CDH13: variants seen among roughly 807,000 people sequenced by gnomAD.
CDH13 encodes the protein cadherin 13.
In CDH13, 24 loss-of-function variants were observed where a neutral mutation model predicts 63.8. The ratio of observed to expected loss-of-function variants is 0.38; its 90% CI spans 0.27 to 0.53. The LOEUF is 0.53. Ranked by LOEUF, CDH13 falls within the 20% of genes least tolerant of loss-of-function variation. The pLI, the probability that CDH13 is intolerant of heterozygous loss-of-function variation, is 0.85. For synonymous variants in CDH13, 503 were observed against 355.3 expected (o/e 1.42, Z -4.67); for missense variants, 1,049 against 903.1 (o/e 1.16, Z -2.07).
intron 6 of CDH13, among the ~76,000 whole-genome samples, chr16:83,460,914 G>A (rs2073160109): frequency 6.6e-6 from 1 of 151,166 alleles, no homozygotes; most frequent in Non-Finnish European, 1.5e-5. Flanking sequence ...TTAAGCCTGG[G>A]CAGTCGAGGT....
intron 3 of CDH13, among the ~76,000 whole-genome samples, chr16:83,086,502 C>G (rs2033604060): frequency 6.6e-6 from 1 of 152,168 alleles, no homozygotes; most frequent in East Asian, 1.9e-4. Flanking sequence ...GATCCTTTAT[C>G]AAGGATTGAG....
At chr16:83,349,147 T>G (rs1159300861) in intron 6 of CDH13, among the ~76,000 whole-genome samples, 1 of 152,204 alleles carries the variant, frequency 6.6e-6, no homozygotes, top group African/African-American at 2.4e-5. Context: ...CAGCAGAACA[T>G]AATGGTCTTT....
intron 5 of CDH13, among the ~76,000 whole-genome samples, chr16:83,326,940 A>C (rs2090376192): frequency 1.3e-5 from 2 of 152,194 alleles, no homozygotes; most frequent in African/African-American, 4.8e-5. Flanking sequence ...GTCCAGAAGA[A>C]ACTAACAGAA....
intron 8 of CDH13, among the ~76,000 whole-genome samples, chr16:83,634,392 TG>T: frequency 6.7e-6 from 1 of 149,834 alleles, no homozygotes; most frequent in South Asian, 2.1e-4. Flanking sequence ...TGTAACTCTT[TG>T]ATATTAACTC....
At chr16:82,757,078 C>G (rs1258791199) in intron 1 of CDH13, among the ~76,000 whole-genome samples, 1 of 152,168 alleles carries the variant, frequency 6.6e-6, no homozygotes, top group Non-Finnish European at 1.5e-5. Flanking sequence ...CTCCATCACT[C>G]TCACCTCCAG....
intron 11 of CDH13, among the ~76,000 whole-genome samples, chr16:83,759,737 A>T (rs1273725798): frequency 6.6e-6 from 1 of 152,030 alleles, no homozygotes; most frequent in African/African-American, 2.4e-5. Flanking sequence ...GACCAGTGTG[A>T]GTAATAAAGC....
intron 5 of CDH13, among the ~76,000 whole-genome samples, chr16:83,229,009 T>C (rs972741576): frequency 6.6e-6 from 1 of 152,014 alleles, no homozygotes; most frequent in Non-Finnish European, 1.5e-5. Context: ...ATAGTGAAGA[T>C]ATTAAATATA....
At chr16:83,236,033 G>T (rs147168238) in intron 5 of CDH13, among the ~76,000 whole-genome samples, 1 of 152,104 alleles carries the variant, frequency 6.6e-6, no homozygotes, top group Non-Finnish European at 1.5e-5. Context: ...ATTTAAATGC[G>T]TTTAAGATAT....
chr16:82,941,922 A>C (rs1294011435), intron 2 of CDH13, among the ~76,000 whole-genome samples: 1 of 152,190 alleles, frequency 6.6e-6, no homozygotes, highest in East Asian at 1.9e-4. Context: ...TGGTAATTCA[A>C]GGAGTTCTTC....
chr16:82,911,387 A>G (rs1348307135), intron 2 of CDH13, among the ~76,000 whole-genome samples: 2 of 152,140 alleles, frequency 1.3e-5, no homozygotes, highest in Non-Finnish European at 2.9e-5. Context: ...AAAACTGCAA[A>G]GGCTCCCTGT....
Position 83,510,558 on chromosome 16 carries a change from G to A in CDH13, c.960+23903G>A, listed in dbSNP as rs867772574. 2.0e-5 allele frequency among the ~76,000 whole-genome samples: 3 copies of A among 152,290 alleles called. No homozygotes were observed. The South Asian group carries it at 6.2e-4, about 32-fold the overall frequency. On this transcript the variant is annotated intron_variant, in intron 7 of 13. Coordinates refer to ENST00000567109, the MANE Select transcript of CDH13 (RefSeq NM_001257.5). ...AGCTGACAGTAACCCTGGGAATAAG[G>A]ATATGTTAGAAGAGAAGGGCTGCAG...
intron 2 of CDH13, among the ~76,000 whole-genome samples, chr16:82,920,663 T>G (rs2042126474): frequency 1.3e-5 from 2 of 152,164 alleles, no homozygotes; most frequent in South Asian, 4.1e-4. Context: ...ATCAGGGGTA[T>G]TAGGATCCAT....
intron 7 of CDH13, among the ~76,000 whole-genome samples, chr16:83,515,869 A>G (rs1260632429): frequency 6.6e-6 from 1 of 152,190 alleles, no homozygotes; most frequent in Admixed American, 6.5e-5. Context: ...TTGCCTATAT[A>G]TTTATAAATT....
chr16:83,125,865 C>A (rs2035788898), intron 4 of CDH13, among the ~76,000 whole-genome samples: 1 of 152,126 alleles, frequency 6.6e-6, no homozygotes, highest in African/African-American at 2.4e-5. Context: ...TCACTGAGAT[C>A]CTGTTTTTCA....
At chr16:83,145,642 A>G (rs191811229) in intron 4 of CDH13, among the ~76,000 whole-genome samples, 148 of 152,320 alleles carry the variant, frequency 9.7e-4, no homozygotes, top group Admixed American at 1.6e-3. Flanking sequence ...AGAACATTCT[A>G]TAGATCGAAG....
intron 6 of CDH13, among the ~76,000 whole-genome samples, chr16:83,476,106 A>C (rs60419699): frequency 2.6e-5 from 4 of 151,992 alleles, no homozygotes; most frequent in Non-Finnish European, 4.4e-5. Context: ...TTATTCACTT[A>C]TTCATGTATT....
intron 7 of CDH13, among the ~76,000 whole-genome samples, chr16:83,565,758 A>T (rs2063113132): frequency 1.3e-5 from 2 of 151,118 alleles, no homozygotes; most frequent in African/African-American, 4.9e-5. Context: ...TTATTTTCTG[A>T]TAAGTTATTC....
At chr16:83,572,147 C>G (rs12917783) in intron 7 of CDH13, among the ~76,000 whole-genome samples, 49,454 of 150,630 alleles carry the variant, frequency 0.33, 9,293 homozygotes, top group East Asian at 0.42. Context: ...TAATTGATAA[C>G]TAGGTATTTT....
At chr16:83,596,488 T>A (rs1272204688) in intron 7 of CDH13, among the ~76,000 whole-genome samples, 1 of 152,202 alleles carries the variant, frequency 6.6e-6, no homozygotes, top group Non-Finnish European at 1.5e-5. Flanking sequence ...GGGATCTCTT[T>A]CTCTGCATCA....
Sources: allele counts gnomAD v4.1 joint callset (sites outside exome capture counted in the v4.1 genomes callset), GRCh38; gene constraint gnomAD v4.1.1; transcripts MANE v1.5; gene names NCBI Gene and HGNC (gene_info 2026-07-23, HGNC 2026-07-21).